The following C12orf42 variants were observed in gnomAD, a reference collection of about 807,000 sequenced individuals.
C12orf42 encodes the protein chromosome 12 open reading frame 42, also known as uncharacterized protein C12orf42.
In C12orf42, 25 loss-of-function variants were observed where a neutral mutation model predicts 21.6. That is an observed-to-expected ratio of 1.16 (90% confidence interval 0.84 to 1.62). C12orf42 has a LOEUF of 1.62. C12orf42 is among the 40% of genes most tolerant of loss of function. The pLI, the probability that C12orf42 is intolerant of heterozygous loss-of-function variation, is 0.00. For missense variants in C12orf42, 483 were observed against 459.3 expected (o/e 1.05, Z -0.47); for synonymous variants, 174 against 175.0 (o/e 0.99, Z 0.05).
chr12:103,393,875 C>T (rs143655286), intron 3 of C12orf42, among the ~76,000 whole-genome samples: 2 of 152,288 alleles, frequency 1.3e-5, no homozygotes, highest in East Asian at 1.9e-4. Context: ...CTCTTTCTAG[C>T]TTTATGCTCT....
exon 11 of C12orf42, chr12:103,237,712 C>CAGTT (rs1239341374): frequency 6.6e-6 from 1 of 152,282 alleles, no homozygotes. Flanking sequence ...TCTGCTTCTG[C>CAGTT]AGTTACTGGG....
intron 1 of C12orf42, among the ~76,000 whole-genome samples, chr12:103,489,708 TGCTAC>T (rs963174049): frequency 6.6e-6 from 1 of 152,188 alleles, no homozygotes; most frequent in African/African-American, 2.4e-5. Flanking sequence ...GACCTCAGAC[TGCTAC>T]GCTAGAGTGA....
chr12:103,471,379 C>T lies in C12orf42; in HGVS notation c.78+6970G>A, dbSNP rs537642126. ...CTACTTCCTAACCTTGCTCATAATT[C>T]GTACCCACATCTCTGATGTAAAGCA... On this transcript the variant is annotated intron_variant, in intron 2 of 5. Transcript: ENST00000548883. Among the ~76,000 whole-genome samples, 26 of 152,258 alleles carry T rather than the reference C, an allele frequency of 1.7e-4. No homozygotes were observed. In the Middle Eastern group the frequency reaches 0.014, roughly 80 times the overall value.
intron 4 of C12orf42, among the ~76,000 whole-genome samples, chr12:103,286,889 A>G (rs922527377): frequency 1.4e-4 from 21 of 151,912 alleles, no homozygotes; most frequent in African/African-American, 5.1e-4. Flanking sequence ...GTAGAATCAT[A>G]CAACATCATA....
the C12orf42 span, among the ~76,000 whole-genome samples, chr12:103,148,382 T>C: frequency 6.6e-6 from 1 of 152,194 alleles, no homozygotes; most frequent in Non-Finnish European, 1.5e-5. Flanking sequence ...GCCACCCCCA[T>C]AGTTCTAATT....
At chr12:103,402,308 A>G (rs1384502382) in intron 2 of C12orf42, among the ~76,000 whole-genome samples, 3 of 152,266 alleles carry the variant, frequency 2.0e-5, no homozygotes, top group Admixed American at 6.5e-5. Context: ...TTACTTAAAT[A>G]TCAAACCAGA....
chr12:103,452,332 C>T (rs115430567), intron 2 of C12orf42, among the ~76,000 whole-genome samples: 1,865 of 152,178 alleles, frequency 0.012, 37 homozygotes, highest in African/African-American at 0.041. Flanking sequence ...ACTTCCACCA[C>T]ATTCTAATCA....
chr12:103,366,394 A>T (rs1486798600), intron 4 of C12orf42, among the ~76,000 whole-genome samples: 1 of 152,128 alleles, frequency 6.6e-6, no homozygotes, highest in African/African-American at 2.4e-5. Flanking sequence ...CCTTCTAGAC[A>T]TTGGCTTAAG....
At chr12:103,367,581 T>C (rs1233514258) in intron 4 of C12orf42, among the ~76,000 whole-genome samples, 2 of 152,020 alleles carry the variant, frequency 1.3e-5, no homozygotes, top group East Asian at 3.9e-4. Flanking sequence ...CTCATCTGTA[T>C]ACTTTCATTT....
At position 103,368,960 on chromosome 12, in the gene C12orf42, G is replaced by A. The variant is rs2044896975; in HGVS notation, c.186C>T (p.Ser62=). ...PCYERTSVPC[S]RFINHMKNFS... is the part of the protein sequence containing the mutation. The stretch of plus-strand genomic sequence containing the variant: ...AATTCTTCATGTGATTAATGAATCT[G>A]GAGCAGGGTACTGAAGTTCTTTCAT... The change falls in exon 4 of 6, where the codon TCC becomes TCT. Residue 62 remains serine, a synonymous_variant. Coordinates refer to ENST00000548883, the MANE Select transcript of C12orf42 (RefSeq NM_198521.5). 6.2e-7 allele frequency: 1 copy of A among 1,600,286 alleles called. No individual in the cohort carries two copies. The highest frequency in any genetic ancestry group is 2.2e-5 in the East Asian group (1 of 44,498).
At chr12:103,103,674 G>A in the C12orf42 span, among the ~76,000 whole-genome samples, 3,526 of 151,956 alleles carry the variant, frequency 0.023, 57 homozygotes, top group African/African-American at 0.047. Flanking sequence ...TAAGCACACT[G>A]CATACAAACA....
chr12:103,062,354 G>A, the C12orf42 span, among the ~76,000 whole-genome samples: 1 of 151,396 alleles, frequency 6.6e-6, no homozygotes, highest in African/African-American at 2.4e-5. Context: ...CTTAGTTTTT[G>A]TTTGCTTAGT....
chr12:103,224,734 C>T, the C12orf42 span, among the ~76,000 whole-genome samples: 3 of 152,150 alleles, frequency 2.0e-5, no homozygotes, highest in South Asian at 6.2e-4. Context: ...ATTTTGAGGG[C>T]CCCTAAAAGT....
At chr12:103,357,311 AAAT>A (rs1033964233) in intron 4 of C12orf42, among the ~76,000 whole-genome samples, 7 of 151,636 alleles carry the variant, frequency 4.6e-5, no homozygotes, top group South Asian at 4.2e-4. Context: ...ATAAAATAAA[AAAT>A]AATAATAATA....
the C12orf42 span, among the ~76,000 whole-genome samples, chr12:103,554,924 A>G: frequency 3.9e-5 from 6 of 151,960 alleles, no homozygotes; most frequent in Admixed American, 1.3e-4. Context: ...CATATCAGGG[A>G]GGTAATGTGA....
At chr12:103,387,028 C>G (rs1227367732) in intron 3 of C12orf42, among the ~76,000 whole-genome samples, 2 of 152,236 alleles carry the variant, frequency 1.3e-5, no homozygotes, top group African/African-American at 2.4e-5. Context: ...TGAACAGGAT[C>G]TGGAACCGCT....
At chr12:103,444,828 CCT>C (rs1565839400) in intron 2 of C12orf42, among the ~76,000 whole-genome samples, 1 of 151,834 alleles carries the variant, frequency 6.6e-6, no homozygotes, top group African/African-American at 2.4e-5. Context: ...TCATATTTCC[CCT>C]TTCTTCTTTT....
chr12:103,287,737 T>C (rs1335314782), intron 4 of C12orf42, among the ~76,000 whole-genome samples: 2 of 150,020 alleles, frequency 1.3e-5, no homozygotes, highest in East Asian at 3.9e-4. Flanking sequence ...AAAGTGTTCA[T>C]AACAGCTATC....
chr12:103,257,529 T>G (rs1033467790), intron 10 of C12orf42, among the ~76,000 whole-genome samples: 1 of 152,070 alleles, frequency 6.6e-6, no homozygotes. Context: ...AAAATCAGAA[T>G]TTTTAAATCT....
Sources: gnomAD v4.1 joint callset for allele counts (sites outside exome capture counted in the v4.1 genomes callset) on GRCh38, gnomAD v4.1.1 for gene constraint, MANE v1.5 for transcripts, NCBI Gene and HGNC (gene_info 2026-07-23, HGNC 2026-07-21) for gene names.